Variants in KCNIP4 observed in about 807,000 individuals in gnomAD.
KCNIP4 encodes the protein potassium voltage-gated channel interacting protein 4.
KCNIP4 carries 12 observed loss-of-function variants against 34.0 expected under a neutral mutation model. The observed-to-expected ratio is 0.35, with a 90% CI of 0.23 to 0.57. The LOEUF (loss-of-function observed/expected upper bound fraction) is 0.57, where lower values mean the gene tolerates loss of function less well. KCNIP4 is among the 20% of genes least tolerant of loss of function. The probability of loss-of-function intolerance (pLI) is 0.83; values close to 1 mark genes in which losing one functional copy is unlikely to be tolerated. For synonymous variants in KCNIP4, 124 were observed against 102.2 expected, an observed-to-expected ratio of 1.21 and a Z score of -1.29; for missense variants, 238 against 311.7, an observed-to-expected ratio of 0.76 and a Z score of 1.78.
intron 1 of KCNIP4, among the ~76,000 whole-genome samples, chr4:21,167,755 T>C (rs1753735385): frequency 6.6e-6 from 1 of 152,152 alleles, no homozygotes. Context: ...GAATGAAAAA[T>C]GAAAGTCCTC....
At chr4:21,807,176 G>A (rs1311071640) in intron 1 of KCNIP4, among the ~76,000 whole-genome samples, 2 of 152,164 alleles carry the variant, frequency 1.3e-5, no homozygotes, top group African/African-American at 4.8e-5. Context: ...CTGACAGAAG[G>A]TGGTGCTCAG....
intron 1 of KCNIP4, among the ~76,000 whole-genome samples, chr4:21,550,834 C>G (rs993085439): frequency 2.0e-5 from 3 of 152,066 alleles, no homozygotes; most frequent in African/African-American, 7.2e-5. Flanking sequence ...AAAAAAACCA[C>G]AGTTCTCAAT....
chr4:21,341,112 A>T (rs1337917146), intron 1 of KCNIP4, among the ~76,000 whole-genome samples: 1 of 152,128 alleles, frequency 6.6e-6, no homozygotes, highest in African/African-American at 2.4e-5. Flanking sequence ...ATTTTGGAGT[A>T]AGTGACAAGC....
chr4:21,432,043 CAA>C (rs1004834434), intron 1 of KCNIP4, among the ~76,000 whole-genome samples: 3 of 118,176 alleles, frequency 2.5e-5, no homozygotes, highest in African/African-American at 9.3e-5. Flanking sequence ...CATTAAAGAA[CAA>C]AGATATAAGA....
intron 3 of KCNIP4, among the ~76,000 whole-genome samples, chr4:20,798,794 A>T (rs1713839520): frequency 6.6e-6 from 1 of 152,112 alleles, no homozygotes; most frequent in South Asian, 2.1e-4. Flanking sequence ...CACTGCAGAC[A>T]CCTGCAGCCT....
intron 1 of KCNIP4, among the ~76,000 whole-genome samples, chr4:21,473,897 AG>A (rs1730678388): frequency 6.6e-6 from 1 of 151,880 alleles, no homozygotes; most frequent in African/African-American, 2.4e-5. Context: ...TATTTTTAGT[AG>A]GGATCAGGTT....
intron 1 of KCNIP4, among the ~76,000 whole-genome samples, chr4:21,008,013 C>T (rs543502824): frequency 1.3e-5 from 2 of 152,100 alleles, no homozygotes; most frequent in African/African-American, 2.4e-5. Flanking sequence ...AATAAAATGT[C>T]CCCCCTGTCT....
chr4:21,167,142 T>A (rs1309413971), intron 1 of KCNIP4, among the ~76,000 whole-genome samples: 1 of 151,786 alleles, frequency 6.6e-6, no homozygotes, highest in East Asian at 1.9e-4. Context: ...TGTAAAATTG[T>A]CAAAACAGAA....
Position 21,098,367 on chromosome 4 carries a change from A to G in KCNIP4, c.62-215658T>C, listed in dbSNP as rs74978375. On this transcript the variant is annotated intron_variant, in intron 1 of 8. Coordinates refer to ENST00000382152, the MANE Select transcript of KCNIP4 (RefSeq NM_025221.6). The stretch of plus-strand genomic sequence containing the variant: ...AGAAAATGTTATCTAGGACTTTCAT[A>G]GCTGTGGAGAAGTCAATGTCTGGCT... Among the ~76,000 whole-genome samples the G allele has an allele frequency of 3.5e-3, 539 of 152,348 alleles. 1 individual carries two copies. The highest frequency in any genetic ancestry group is 0.013 in the African/African-American group (524 of 41,590).
At chr4:21,490,304 G>A (rs1429544442) in intron 1 of KCNIP4, among the ~76,000 whole-genome samples, 1 of 151,982 alleles carries the variant, frequency 6.6e-6, no homozygotes, top group Non-Finnish European at 1.5e-5. Flanking sequence ...TACCTGAATA[G>A]AAGCACTTGA....
In KCNIP4 at chr4:21,179,361, C is replaced by A. The variant is rs182141213; in HGVS notation, c.62-296652G>T. On this transcript the variant is annotated intron_variant, in intron 1 of 8. Coordinates refer to ENST00000382152, the MANE Select transcript of KCNIP4 (RefSeq NM_025221.6). ...AGCCAGATTCAGTTCACAAAGCATC[C>A]TTCACATAAAGTTTTGCTAAGGAAA... is the stretch of plus-strand genomic sequence containing the variant. Among the ~76,000 whole-genome samples, 22 of 152,272 alleles carry A rather than the reference C, an allele frequency of 1.4e-4. No homozygotes were observed. The East Asian group carries it at 3.9e-3, about 27-fold the overall frequency.
chr4:21,318,683 G>GTGTCTTATTAACTATGTGTCTAATA (rs2109294586), intron 1 of KCNIP4, among the ~76,000 whole-genome samples: 1 of 151,996 alleles, frequency 6.6e-6, no homozygotes, highest in East Asian at 1.9e-4. Flanking sequence ...AGTGCTTTTT[G>GTGTCTTATTAACTATGTGTCTAATA]ATATGTGTCT....
At chr4:20,817,172 G>A (rs1716504350) in intron 3 of KCNIP4, among the ~76,000 whole-genome samples, 1 of 152,158 alleles carries the variant, frequency 6.6e-6, no homozygotes, top group African/African-American at 2.4e-5. Flanking sequence ...CATGTGTTGT[G>A]GGAATTTAAA....
chr4:20,829,176 G>C (rs1245285684), intron 3 of KCNIP4, among the ~76,000 whole-genome samples: 1 of 151,572 alleles, frequency 6.6e-6, no homozygotes, highest in African/African-American at 2.4e-5. Context: ...GTCTTCTCCA[G>C]TGGGGCCAGA....
At chr4:21,101,663 T>C (rs1039938143) in intron 1 of KCNIP4, among the ~76,000 whole-genome samples, 1 of 152,182 alleles carries the variant, frequency 6.6e-6, no homozygotes, top group African/African-American at 2.4e-5. Flanking sequence ...TGTTCTATTA[T>C]TAGTGTGCGG....
intron 1 of KCNIP4, among the ~76,000 whole-genome samples, chr4:21,389,193 C>A (rs1292581992): frequency 6.6e-6 from 1 of 152,020 alleles, no homozygotes. Flanking sequence ...GTTGCCCAGG[C>A]AGTTCTGAAA....
At chr4:20,876,784 G>C (rs1724090769) in intron 2 of KCNIP4, among the ~76,000 whole-genome samples, 1 of 152,096 alleles carries the variant, frequency 6.6e-6, no homozygotes, top group African/African-American at 2.4e-5. Flanking sequence ...ATGTTGGCCA[G>C]GCTGGTCTCC....
chr4:21,138,689 A>T (rs2109200325), intron 1 of KCNIP4, among the ~76,000 whole-genome samples: 1 of 152,182 alleles, frequency 6.6e-6, no homozygotes, highest in African/African-American at 2.4e-5. Flanking sequence ...GGATCTTGAA[A>T]TGGGGAGATT....
At chr4:21,835,553 A>G (rs1019513657) in intron 1 of KCNIP4, among the ~76,000 whole-genome samples, 7 of 150,026 alleles carry the variant, frequency 4.7e-5, no homozygotes, top group African/African-American at 1.7e-4. Context: ...CCAACTTTAG[A>G]AAAGTTTTTC....
Sources: gnomAD v4.1 joint callset for allele counts (sites outside exome capture counted in the v4.1 genomes callset) on GRCh38, gnomAD v4.1.1 for gene constraint, MANE v1.5 for transcripts, NCBI Gene and HGNC (gene_info 2026-07-23, HGNC 2026-07-21) for gene names.